TNNI3K: variants seen among roughly 807,000 people sequenced by gnomAD.
TNNI3K encodes the protein TNNI3 interacting kinase.
Under a neutral mutation model 114.5 loss-of-function variants are expected in TNNI3K, and 140 were observed. The ratio of observed to expected loss-of-function variants is 1.22; its 90% confidence interval spans 1.07 to 1.41. The LOEUF is 1.41. Among genes scored for constraint, TNNI3K ranks in the 40% most tolerant of loss-of-function variants. The probability of loss-of-function intolerance (pLI) is 0.00; values close to 1 mark genes in which losing one functional copy is unlikely to be tolerated. For missense variants in TNNI3K, 1,125 were observed against 1,007.6 expected, an observed-to-expected ratio of 1.12 and a Z score of -1.58; for synonymous variants, 347 against 347.5, an observed-to-expected ratio of 1.00 and a Z score of 0.02.
At chr1:74,421,913 A>G (rs1056873024) in intron 17 of TNNI3K, among the ~76,000 whole-genome samples, 2 of 151,644 alleles carry the variant, frequency 1.3e-5, no homozygotes, top group Non-Finnish European at 2.9e-5. Context: ...CAAGAGTCAC[A>G]TGCAACTTAG....
At chr1:74,332,611 T>A (rs1406189973) in intron 6 of TNNI3K, among the ~76,000 whole-genome samples, 1 of 152,114 alleles carries the variant, frequency 6.6e-6, no homozygotes, top group East Asian at 1.9e-4. Flanking sequence ...ATTTGCCCAT[T>A]CTTATCAATG....
Position 74,540,321 on chromosome 1 carries a change from G to C in TNNI3K, c.2431+8G>C. 6.2e-7 allele frequency: 1 copy of C among 1,610,086 alleles called. No individual in the cohort carries two copies. Among genetic ancestry groups the C allele is most frequent in the Non-Finnish European group, 8.5e-7 (1 of 1,177,992 alleles). ...CACCCATTGACAAATATGGTAAGTAGGCAGATTCTTTAGGTTTGTTAAGAA... is the reference window on the plus strand; with the variant it reads ...CACCCATTGACAAATATGGTAAGTACGCAGATTCTTTAGGTTTGTTAAGAA... On this transcript the variant is annotated splice_region_variant and intron_variant, in intron 24 of 24. Coordinates refer to ENST00000326637, the MANE Select transcript of TNNI3K (RefSeq NM_015978.3).
chr1:74,476,096 G>C (rs534964345), intron 21 of TNNI3K, among the ~76,000 whole-genome samples: 1 of 152,214 alleles, frequency 6.6e-6, no homozygotes, highest in Admixed American at 6.5e-5. Flanking sequence ...ACTCATTTAA[G>C]ATAAAACAGT....
intron 17 of TNNI3K, among the ~76,000 whole-genome samples, chr1:74,418,963 T>C (rs2100630409): frequency 6.6e-6 from 1 of 152,254 alleles, no homozygotes; most frequent in East Asian, 1.9e-4. Context: ...GCTGTTGCTG[T>C]TTTAAAGTTC....
chr1:74,236,768 A>C (rs1330886405), intron 2 of TNNI3K, among the ~76,000 whole-genome samples: 1 of 151,882 alleles, frequency 6.6e-6, no homozygotes, highest in East Asian at 1.9e-4. Context: ...AGAGAAAAAT[A>C]ATCTAAGTGT....
rs764542430 is a variant in TNNI3K at position 74,543,996 on chromosome 1, A to G, written c.*14A>G. The G allele has an allele frequency of 6.2e-7, 1 of 1,610,314 alleles. No individual in the cohort carries two copies. The highest frequency in any genetic ancestry group is 1.7e-4 in the Middle Eastern group (1 of 6,044). ...GACAGCAGCTGACAGCATTCGGCGT[A>G]TACCTAAGGAGAGTTTTTTCCCCGA... On this transcript the variant is annotated 3_prime_UTR_variant, in exon 25 of 25. Transcript: ENST00000326637.
intron 23 of TNNI3K, among the ~76,000 whole-genome samples, chr1:74,497,932 C>T (rs921140121): frequency 7.2e-5 from 11 of 152,062 alleles, no homozygotes; most frequent in Admixed American, 3.3e-4. Flanking sequence ...GTGATACTGT[C>T]GCTCTCTCTC....
In TNNI3K at chr1:74,235,441, AC is replaced by A. The variant is rs749862834; in HGVS notation, c.-10del. 1.3e-6 allele frequency: 2 copies of A among 1,515,298 alleles called. No individual in the cohort carries two copies. Among genetic ancestry groups the A allele is most frequent in the Non-Finnish European group, 9.0e-7 (1 of 1,107,932 alleles). The allele number at this position is 1,515,298 out of a possible 1,614,324, so 93.9% of individuals were successfully genotyped here. A position where few individuals can be genotyped will look rare whatever the true frequency, so the allele number is the denominator to read the frequency against. ...AGAACTGCCCTGGAGAAAGGAAGAAACTTATAATAAATGGGAAATTATAAAT... is the reference window on the plus strand; with the variant it reads ...AGAACTGCCCTGGAGAAAGGAAGAAATTATAATAAATGGGAAATTATAAAT... On this transcript the variant is annotated 5_prime_UTR_variant, in exon 1 of 25. Coordinates refer to ENST00000326637, the MANE Select transcript of TNNI3K (RefSeq NM_015978.3).
intron 2 of TNNI3K, among the ~76,000 whole-genome samples, chr1:74,246,329 G>A (rs1654551007): frequency 6.6e-6 from 1 of 152,244 alleles, no homozygotes; most frequent in Non-Finnish European, 1.5e-5. Context: ...GGTCACAGAG[G>A]TCTTCTTTGT....
chr1:74,342,946 C>A lies in TNNI3K; in HGVS notation c.787C>A (p.Pro263Thr). The A allele has an allele frequency of 6.2e-7, 1 of 1,613,872 alleles. No homozygotes were observed. The highest frequency in any genetic ancestry group is 8.5e-7 in the Non-Finnish European group (1 of 1,179,892). The stretch of plus-strand genomic sequence containing the variant: ...GCTGCAAAGTGATTTGGAAGTTCAA[C>A]CTCATGTTGTTAATATCTATGGAGA... ...YLLQSDLEVQPHVVNIYGDTP... is the reference protein window; with the variant it reads ...YLLQSDLEVQTHVVNIYGDTP... The change falls in exon 8 of 25, where the codon CCT becomes ACT. Residue 263 changes from proline to threonine, a missense_variant. Transcript: ENST00000326637.
At chr1:74,416,279 G>A (rs1234379220) in intron 17 of TNNI3K, 1 of 985,320 alleles carries the variant, frequency 1.0e-6, no homozygotes, top group Non-Finnish European at 1.2e-6. Flanking sequence ...GCAAAGTCGG[G>A]TGATAATAAA....
chr1:74,524,156 ATTC>A (rs1022328393), intron 23 of TNNI3K, among the ~76,000 whole-genome samples: 26 of 152,368 alleles, frequency 1.7e-4, no homozygotes, highest in Admixed American at 1.5e-3. Context: ...GCTCCAGTGA[ATTC>A]TTCTTTGTGA....
In TNNI3K at chr1:74,331,499, C is replaced by A. The variant is rs764371387; in HGVS notation, c.494C>A (p.Ala165Glu). 2 of 1,613,800 alleles carry A rather than the reference C, an allele frequency of 1.2e-6. No individual in the cohort carries two copies. The highest frequency in any genetic ancestry group is 3.3e-5 in the Admixed American group (2 of 60,000). The change falls in exon 6 of 25, where the codon GCA becomes GAA. Residue 165 changes from alanine to glutamate, a missense_variant. Physicochemically the swap from Ala to Glu is moderately radical, Grantham distance 107 (BLOSUM62 -1). Transcript: ENST00000326637. ...QHGANVNIQD[A>E]VFFTPLHIAA... ...GGAGCTAATGTCAATATTCAAGATG[C>A]AGTTTTTTTCACTCCATTGCATATT... is the stretch of plus-strand genomic sequence containing the variant.
chr1:74,475,858 C>T (rs930725309), intron 21 of TNNI3K: 5 of 530,664 alleles, frequency 9.4e-6, no homozygotes, highest in Non-Finnish European at 1.7e-5. Flanking sequence ...TGGGAAGAAA[C>T]ACATAAATCA....
intron 21 of TNNI3K, chr1:74,472,083 GTCT>G (rs1197115974): frequency 1.4e-6 from 1 of 717,140 alleles, no homozygotes. Context: ...GTAAGCCATT[GTCT>G]TCTTTTTCTA....
intron 11 of TNNI3K, among the ~76,000 whole-genome samples, chr1:74,356,103 G>A (rs146828444): frequency 6.6e-6 from 1 of 152,196 alleles, no homozygotes; most frequent in East Asian, 1.9e-4. Flanking sequence ...GCCACTTTCT[G>A]CACTTTATAT....
At chr1:74,527,453 C>T (rs1570744286) in intron 23 of TNNI3K, among the ~76,000 whole-genome samples, 1 of 152,166 alleles carries the variant, frequency 6.6e-6, no homozygotes, top group East Asian at 1.9e-4. Context: ...AAAAACAAGT[C>T]TGCCGTAAGG....
At chr1:74,242,337 A>G (rs984014409) in intron 2 of TNNI3K, among the ~76,000 whole-genome samples, 1 of 152,174 alleles carries the variant, frequency 6.6e-6, no homozygotes, top group African/African-American at 2.4e-5. Context: ...TATAGAGGAA[A>G]TAAAAAAATG....
chr1:74,241,220 A>C (rs1361800486), intron 2 of TNNI3K, among the ~76,000 whole-genome samples: 1 of 152,226 alleles, frequency 6.6e-6, no homozygotes, highest in Non-Finnish European at 1.5e-5. Flanking sequence ...TGCTATTGTG[A>C]ATAGTGCTGC....
Sources: allele counts gnomAD v4.1 joint callset (sites outside exome capture counted in the v4.1 genomes callset), GRCh38; gene constraint gnomAD v4.1.1; transcripts MANE v1.5; gene names NCBI Gene and HGNC (gene_info 2026-07-23, HGNC 2026-07-21).